Variants in L3HYPDH observed in about 807,000 individuals in gnomAD.
L3HYPDH encodes the protein trans-3-hydroxy-L-proline dehydratase.
A neutral mutation model predicts 26.5 loss-of-function variants in L3HYPDH; 32 were observed. The observed-to-expected ratio is 1.21, with a 90% CI of 0.91 to 1.62. L3HYPDH has a LOEUF of 1.62. Among genes scored for constraint, L3HYPDH ranks in the 40% most tolerant of loss-of-function variants. The pLI, the probability that L3HYPDH is intolerant of heterozygous loss-of-function variation, is 0.00. For missense variants in L3HYPDH, 554 were observed against 476.4 expected (o/e 1.16, Z -1.52); for synonymous variants, 215 against 196.6 (o/e 1.09, Z -0.78).
At chr14:59,494,236 C>T in the L3HYPDH span, among the ~76,000 whole-genome samples, 1 of 150,734 alleles carries the variant, frequency 6.6e-6, no homozygotes, top group Admixed American at 6.6e-5. Context: ...AAATTTAGAA[C>T]ATGTTTATAA....
chr14:59,476,953 T>C (rs1393801767), intron 2 of L3HYPDH, among the ~76,000 whole-genome samples: 1 of 152,212 alleles, frequency 6.6e-6, no homozygotes, highest in African/African-American at 2.4e-5. Flanking sequence ...ATGACTGAGA[T>C]TGCTATAATC....
chr14:59,491,548 T>C, the L3HYPDH span, among the ~76,000 whole-genome samples: 1 of 152,174 alleles, frequency 6.6e-6, no homozygotes, highest in African/African-American at 2.4e-5. Context: ...TGAATGTGTG[T>C]TTATGTTTTC....
At chr14:59,494,828 T>C in the L3HYPDH span, among the ~76,000 whole-genome samples, 7 of 152,384 alleles carry the variant, frequency 4.6e-5, no homozygotes, top group Non-Finnish European at 8.8e-5. Flanking sequence ...ATTTCTGCTT[T>C]TCTGTTACAC....
chr14:59,474,082 G>T (rs562410845), intron 4 of L3HYPDH, among the ~76,000 whole-genome samples: 10 of 152,292 alleles, frequency 6.6e-5, no homozygotes, highest in African/African-American at 2.4e-4. Context: ...AATATTGTTA[G>T]GGTATAATAC....
At chr14:59,481,073 T>G (rs1469750488) in intron 1 of L3HYPDH, among the ~76,000 whole-genome samples, 2 of 152,188 alleles carry the variant, frequency 1.3e-5, no homozygotes, top group South Asian at 2.1e-4. Context: ...TACAATCATT[T>G]CCCTGGCCCA....
At chr14:59,482,114 T>A (rs1315784663) in intron 1 of L3HYPDH, among the ~76,000 whole-genome samples, 1 of 152,082 alleles carries the variant, frequency 6.6e-6, no homozygotes, top group East Asian at 1.9e-4. Context: ...AGAGTTTGCA[T>A]TTTAGCCTGG....
downstream of L3HYPDH, among the ~76,000 whole-genome samples, chr14:59,471,631 T>C (rs770033300): frequency 1.3e-5 from 2 of 152,208 alleles, no homozygotes; most frequent in African/African-American, 4.8e-5. Context: ...CCTACCCTGA[T>C]GGCCATGGAA....
At chr14:59,505,220 C>T in the L3HYPDH span, 2 of 1,344,386 alleles carry the variant, frequency 1.5e-6, no homozygotes, top group East Asian at 5.1e-5. Flanking sequence ...TTTGAATTCA[C>T]AGCAGTTGTA....
chr14:59,480,008 T>C (rs1889901556), intron 1 of L3HYPDH, among the ~76,000 whole-genome samples: 1 of 152,206 alleles, frequency 6.6e-6, no homozygotes, highest in African/African-American at 2.4e-5. Flanking sequence ...GTTTGAAATC[T>C]TGAATCTGTA....
At chr14:59,503,952 T>C in the L3HYPDH span, 1 of 1,613,694 alleles carries the variant, frequency 6.2e-7, no homozygotes, top group Non-Finnish European at 8.5e-7. Flanking sequence ...CCAGAGTGGA[T>C]AAACTTGAGC....
intron 2 of L3HYPDH, chr14:59,478,960 A>G (rs1460924926): frequency 2.4e-6 from 1 of 411,206 alleles, no homozygotes; most frequent in African/African-American, 2.1e-5. Context: ...AAAGTTTACA[A>G]AATTTGTGTT....
the L3HYPDH span, chr14:59,504,263 C>T: frequency 1.7e-6 from 1 of 588,506 alleles, no homozygotes; most frequent in Non-Finnish European, 3.0e-6. Context: ...CTCTGTAATA[C>T]TCTGTTACAC....
At chr14:59,492,779 C>CT in the L3HYPDH span, among the ~76,000 whole-genome samples, 2 of 150,556 alleles carry the variant, frequency 1.3e-5, no homozygotes, top group Admixed American at 6.7e-5. Context: ...AAAATAGAGA[C>CT]TATGAAGGAG....
chr14:59,492,306 A>G, the L3HYPDH span, among the ~76,000 whole-genome samples: 8 of 152,354 alleles, frequency 5.3e-5, no homozygotes, highest in Non-Finnish European at 1.2e-4. Context: ...TTAGTGAACT[A>G]GAAAAAAATG....
rs780406199 is a variant in L3HYPDH, at chr14:59,483,796, T to G, written c.508+13A>C. 5.0e-5 allele frequency: 80 copies of G among 1,590,346 alleles called. No homozygotes were observed. Among genetic ancestry groups the G allele is most frequent in the African/African-American group, 6.7e-5 (5 of 74,826 alleles). ...GCAGCTCTGCCCTGGGCTGGAAAGGTCCCGCCCATTACCTGTGGCCAGCAC... is the reference window on the plus strand; with the variant it reads ...GCAGCTCTGCCCTGGGCTGGAAAGGGCCCGCCCATTACCTGTGGCCAGCAC... On this transcript the variant is annotated intron_variant, in intron 1 of 4. Transcript: ENST00000247194.
chr14:59,483,587 C>G, intron 1 of L3HYPDH: 1 of 1,428,146 alleles, frequency 7.0e-7, no homozygotes, highest in Non-Finnish European at 9.1e-7. Flanking sequence ...CCTCAAGGGT[C>G]TCCCAAAACC....
chr14:59,497,582 A>C, the L3HYPDH span, among the ~76,000 whole-genome samples: 2 of 152,120 alleles, frequency 1.3e-5, no homozygotes, highest in Admixed American at 6.6e-5. Context: ...AAGACTAGGA[A>C]ACTAATTCAT....
upstream of L3HYPDH, chr14:59,486,776 G>T: frequency 1.3e-6 from 2 of 1,590,462 alleles, no homozygotes; most frequent in Non-Finnish European, 1.7e-6. Flanking sequence ...TTTAAAAATG[G>T]CTCAACTGAA....
downstream of L3HYPDH, among the ~76,000 whole-genome samples, chr14:59,467,920 C>T (rs375807856): frequency 1.3e-5 from 2 of 152,204 alleles, no homozygotes; most frequent in East Asian, 1.9e-4. Context: ...ATTTTAGTTG[C>T]GGACTATCTT....
Sources: allele counts gnomAD v4.1 joint callset (sites outside exome capture counted in the v4.1 genomes callset), GRCh38; gene constraint gnomAD v4.1.1; transcripts MANE v1.5; gene names NCBI Gene and HGNC (gene_info 2026-07-23, HGNC 2026-07-21).